The following GOLGA3 variants were observed in gnomAD, a reference collection of about 807,000 sequenced individuals.
GOLGA3 encodes golgin subfamily A member 3.
GOLGA3 carries 75 observed loss-of-function variants against 169.4 expected under a neutral mutation model. The observed-to-expected ratio is 0.44, with a 90% CI of 0.37 to 0.54. The LOEUF is 0.54. GOLGA3 is among the 20% of genes least tolerant of loss of function. The pLI, the probability that GOLGA3 is intolerant of heterozygous loss-of-function variation, is 0.00. For missense variants in GOLGA3, 1,899 were observed against 1,930.0 expected (o/e 0.98, Z 0.30); for synonymous variants, 824 against 822.4 (o/e 1.00, Z -0.03).
intron 8 of GOLGA3, among the ~76,000 whole-genome samples, chr12:132,798,943 C>T (rs1415206284): frequency 6.6e-6 from 1 of 152,246 alleles, no homozygotes; most frequent in Non-Finnish European, 1.5e-5. Context: ...CCGGCCCAGA[C>T]CTCCAGGTGC....
At chr12:132,821,313 A>G (rs1469671817) in intron 2 of GOLGA3, among the ~76,000 whole-genome samples, 1 of 151,874 alleles carries the variant, frequency 6.6e-6, no homozygotes, top group East Asian at 1.9e-4. Flanking sequence ...AGGCTGAGGC[A>G]GAAGAATTGC....
In GOLGA3 at chr12:132,777,918, G is replaced by A; in HGVS notation, c.3583-113C>T. 1.7e-6 allele frequency: 2 copies of A among 1,190,352 alleles called. No homozygotes were observed. Among genetic ancestry groups the A allele is most frequent in the Non-Finnish European group, 2.3e-6 (2 of 857,878 alleles). The allele number at this position is 1,190,352 out of a possible 1,614,324, so 73.7% of individuals were successfully genotyped here. A position where few individuals can be genotyped will look rare whatever the true frequency, so the allele number is the denominator to read the frequency against. On this transcript the variant is annotated intron_variant, in intron 18 of 23. Transcript: ENST00000450791. The surrounding 1 kb of genome is among the most constrained non-coding windows in gnomAD (Gnocchi z 4.7). Reference sequence around the variant, plus strand: ...GGCCCCGTGCATGTCCTGGCTGCCGGCGTGTGCTTCTCCACAGGCCTGTCA... The same window carrying A: ...GGCCCCGTGCATGTCCTGGCTGCCGACGTGTGCTTCTCCACAGGCCTGTCA...
Position 132,822,258 on chromosome 12 carries a change from A to G in GOLGA3, c.-130T>C. ...CTACTGTGTCTCCCATTTTCAGGAGAAGATCTGATGACTCACAAATGACTT... is the reference window on the plus strand; with the variant it reads ...CTACTGTGTCTCCCATTTTCAGGAGGAGATCTGATGACTCACAAATGACTT... On this transcript the variant is annotated 5_prime_UTR_variant, in exon 2 of 24. Transcript: ENST00000450791. 7.1e-7 allele frequency: 1 copy of G among 1,411,734 alleles called. No individual in the cohort carries two copies. Among genetic ancestry groups the G allele is most frequent in the Non-Finnish European group, 9.2e-7 (1 of 1,089,596 alleles). The allele number at this position is 1,411,734 out of a possible 1,614,324, so 87.5% of individuals were successfully genotyped here.
At chr12:132,784,712 C>A (rs930446139) in intron 15 of GOLGA3, among the ~76,000 whole-genome samples, 1 of 151,548 alleles carries the variant, frequency 6.6e-6, no homozygotes, top group Non-Finnish European at 1.5e-5. Flanking sequence ...ATCCCACACA[C>A]CACACACACA....
At position 132,777,996 on chromosome 12, in the gene GOLGA3, GCA is replaced by G. The variant is rs556024793; in HGVS notation, c.3583-193_3583-192del. On this transcript the variant is annotated intron_variant, in intron 18 of 23. Transcript: ENST00000450791. The surrounding 1 kb of genome is among the most constrained non-coding windows in gnomAD (Gnocchi z 4.7). ...ACCCGGAGCTCGGCACGCAGCAAGT[GCA>G]CACTTATGTGGCTGCTGCTATCTGT... Among the ~76,000 whole-genome samples the G allele has an allele frequency of 6.6e-6, 1 of 152,238 alleles. No homozygotes were observed. The highest frequency in any genetic ancestry group is 6.5e-5 in the Admixed American group (1 of 15,288).
At chr12:132,780,695 G>T in intron 18 of GOLGA3, 103 bp downstream of exon 18, 2 of 761,674 alleles carry the variant, frequency 2.6e-6, no homozygotes, top group Non-Finnish European at 4.6e-6. Context: ...CCTTTGCTCT[G>T]TGTAACTGCT....
At position 132,769,710 on chromosome 12, in the gene GOLGA3, T is replaced by A. The variant is rs1843454528; in HGVS notation, c.*3395A>T. The A allele has an allele frequency of 1.3e-5, 2 of 152,266 alleles. No homozygotes were observed. The highest frequency in any genetic ancestry group is 4.1e-4 in the South Asian group (2 of 4,826). The allele number at this position is 152,266 out of a possible 1,614,324, so 9.4% of individuals were successfully genotyped here. ...GGGATGAACACGCCGCCCTAGCCCG[T>A]GACACACGGCGTGGGGATGAACACG... On this transcript the variant is annotated 3_prime_UTR_variant, in exon 24 of 24. Coordinates refer to ENST00000450791, the MANE Select transcript of GOLGA3 (RefSeq NM_001389683.1).
chr12:132,774,415 GT>G, intron 22 of GOLGA3, 95 bp from the exon 23 acceptor site: 1 of 1,385,630 alleles, frequency 7.2e-7, no homozygotes, highest in Non-Finnish European at 1.0e-6. Flanking sequence ...TCCCCAACTG[GT>G]GGACGTGGGG....
rs148172795 is a variant in GOLGA3 at position 132,789,172 on chromosome 12, T to C, written c.2666A>G (p.Gln889Arg). ...GGCAGTCCGCTTCTCCCCGTGCACT[T>C]GCATCAGCTCCTGCCGCAGCTCCTT... ...ELKELRQELM[Q>R]VHGEKRTAEA... Residue 889 changes from glutamine to arginine, a missense_variant, in exon 13 of 24, where the codon CAA becomes CGA. Transcript: ENST00000450791. 5 of 1,612,298 alleles carry C rather than the reference T, an allele frequency of 3.1e-6. No individual in the cohort carries two copies. Among genetic ancestry groups the C allele is most frequent in the Non-Finnish European group, 4.2e-6 (5 of 1,180,018 alleles).
rs752156191 is a variant in GOLGA3, at chr12:132,807,953, G to A, written c.1116C>T (p.His372=). 1.2e-6 allele frequency: 2 copies of A among 1,613,172 alleles called. No individual in the cohort carries two copies. The highest frequency in any genetic ancestry group is 1.7e-6 in the Non-Finnish European group (2 of 1,179,868). ...KDVLQAAAAE[H]QDQGQEVNGE... ...CGTTGACCTCCTGCCCCTGGTCTTG[G>A]TGCTCAGCGGCTGCGGCCTGGAGGA... is the stretch of plus-strand genomic sequence containing the variant. The change falls in exon 5 of 24, where the codon CAC becomes CAT. Residue 372 remains histidine, a synonymous_variant. Coordinates refer to ENST00000450791, the MANE Select transcript of GOLGA3 (RefSeq NM_001389683.1).
chr12:132,819,668 C>T (rs1000611284), intron 2 of GOLGA3, among the ~76,000 whole-genome samples: 7 of 152,240 alleles, frequency 4.6e-5, no homozygotes, highest in Non-Finnish European at 7.3e-5. Context: ...ACCCGACCAA[C>T]GCACTGAGAC....
intron 2 of GOLGA3, 92 bp downstream of exon 2, chr12:132,821,904 T>TGGTCTCAACGCCACATCC: frequency 1.4e-6 from 1 of 717,946 alleles, no homozygotes; most frequent in Non-Finnish European, 2.3e-6. Flanking sequence ...AAGCTCACAG[T>TGGTCTCAACGCCACATCC]GGTCTCAACG....
Position 132,773,129 on chromosome 12 carries a change from A to T in GOLGA3, c.4473T>A (p.Ala1491=), listed in dbSNP as rs1005423702. The stretch of plus-strand genomic sequence containing the variant: ...GTCACTCTCCCGGCCCTTCTTTGGA[A>T]GCCCTGCTCTGACTGTGTCTCTGTG... The part of the protein sequence containing the change: ...GDPQRHSQSR[A]SKEGPGE The change falls in exon 24 of 24, where the codon GCT becomes GCA. Residue 1491 remains alanine (A), a synonymous_variant. Transcript: ENST00000450791. 5.7e-6 allele frequency: 9 copies of T among 1,584,938 alleles called. No individual in the cohort carries two copies. Among genetic ancestry groups the T allele is most frequent in the Non-Finnish European group, 6.9e-6 (8 of 1,164,912 alleles).
intron 4 of GOLGA3, 149 bp from the exon 5 acceptor site, chr12:132,808,698 C>T (rs577663131): frequency 9.8e-5 from 69 of 701,116 alleles, no homozygotes; most frequent in East Asian, 2.0e-4. Flanking sequence ...ACACAGGGTG[C>T]GGCCAGGCCT....
In GOLGA3 at chr12:132,804,612, C is replaced by T; in HGVS notation, c.1597+104G>A. On this transcript the variant is annotated intron_variant, in intron 7 of 23. Coordinates refer to ENST00000450791, the MANE Select transcript of GOLGA3 (RefSeq NM_001389683.1). This position sits in a 1 kb window ranked among gnomAD's most constrained non-coding sequence, Gnocchi z 4.1. ...AGGAAGGAGGAGGGAGCAGCAAGGA[C>T]CAGTCAGGGAAGGAGGAGGGCGTGG... 1.1e-6 allele frequency: 1 copy of T among 923,278 alleles called. No individual in the cohort carries two copies. Among genetic ancestry groups the T allele is most frequent in the Non-Finnish European group, 1.7e-6 (1 of 592,646 alleles). 57.2% of individuals were successfully genotyped at this position (923,278 alleles called of 1,614,324 possible).
intron 15 of GOLGA3, 48 bp from the exon 16 acceptor site, chr12:132,784,355 C>G: frequency 6.6e-7 from 1 of 1,519,136 alleles, no homozygotes; most frequent in Non-Finnish European, 8.9e-7. Flanking sequence ...CAGGCCCTGA[C>G]CCCCCTCACT....
intron 13 of GOLGA3, among the ~76,000 whole-genome samples, chr12:132,787,112 C>T (rs552114582): frequency 4.1e-4 from 62 of 152,190 alleles, no homozygotes; most frequent in African/African-American, 1.5e-3. Context: ...CGCCACCATG[C>T]CCAGCTAATT....
intron 22 of GOLGA3, 52 bp downstream of exon 22, chr12:132,775,089 G>C: frequency 6.5e-7 from 1 of 1,531,870 alleles, no homozygotes; most frequent in South Asian, 1.2e-5. Context: ...TCCTGTCCGA[G>C]AGCATCTACA....
At position 132,796,008 on chromosome 12, in the gene GOLGA3, C is replaced by T; in HGVS notation, c.2313G>A (p.Leu771=). 1 of 1,613,336 alleles carries T rather than the reference C, an allele frequency of 6.2e-7. No homozygotes were observed. Residue 771 remains leucine (L), a synonymous_variant, in exon 11 of 24, where the codon CTG becomes CTA. Coordinates refer to ENST00000450791, the MANE Select transcript of GOLGA3 (RefSeq NM_001389683.1). ...AASREDTICL[L]QNEKIILEAA... ...CCTCCAAGATGATCTTCTCGTTCTG[C>T]AGGAGGCAGATCGTGTCCTCCCTGG...
Sources: gnomAD v4.1 joint callset for allele counts (sites outside exome capture counted in the v4.1 genomes callset) on GRCh38, gnomAD v4.1.1 for gene constraint, Gnocchi (gnomAD v3.1) non-coding constraint, MANE v1.5 for transcripts, NCBI Gene and HGNC (gene_info 2026-07-23, HGNC 2026-07-21) for gene names.